The following CPLX1 variants were observed in gnomAD, a reference collection of about 807,000 sequenced individuals.
The protein encoded by CPLX1 is complexin-1.
A neutral mutation model predicts 15.6 loss-of-function variants in CPLX1; 6 were observed. The ratio of observed to expected loss-of-function variants is 0.39; its 90% CI spans 0.21 to 0.76. The LOEUF (loss-of-function observed/expected upper bound fraction) is 0.76. Ranked by LOEUF, CPLX1 falls within the 30% of genes least tolerant of loss-of-function variation. The pLI is 0.43. For synonymous variants in CPLX1, 91 were observed against 75.2 expected, an observed-to-expected ratio of 1.21 and a Z score of -1.08; for missense variants, 242 against 188.6, an observed-to-expected ratio of 1.28 and a Z score of -1.66.
At chr4:796,920 G>A (rs1190750115) in intron 2 of CPLX1, among the ~76,000 whole-genome samples, 4 of 152,148 alleles carry the variant, frequency 2.6e-5, no homozygotes, top group South Asian at 2.1e-4. Flanking sequence ...GACAGACAAC[G>A]GGCCCAGAGT....
chr4:787,193 G>C (rs765407213), intron 3 of CPLX1: 10 of 985,208 alleles, frequency 1.0e-5, no homozygotes, highest in Admixed American at 6.1e-5. Flanking sequence ...GGCCCCAGCA[G>C]GGCCACTCCC....
At chr4:799,816 T>C (rs1023648599) in intron 2 of CPLX1, among the ~76,000 whole-genome samples, 4 of 152,190 alleles carry the variant, frequency 2.6e-5, no homozygotes, top group Non-Finnish European at 4.4e-5. Context: ...TGAGCCGAGA[T>C]TGCACCATTG....
At chr4:794,169 G>A (rs1746266641) in intron 2 of CPLX1, among the ~76,000 whole-genome samples, 2 of 152,274 alleles carry the variant, frequency 1.3e-5, no homozygotes, top group African/African-American at 4.8e-5. Context: ...CGAGCTGTTG[G>A]TGGGAGGAGA....
chr4:791,124 G>A (rs1403875367), intron 3 of CPLX1, among the ~76,000 whole-genome samples: 1 of 149,650 alleles, frequency 6.7e-6, no homozygotes, highest in East Asian at 2.0e-4. Flanking sequence ...CTGCCTGGCT[G>A]AGATGGTGCA....
At position 812,687 on chromosome 4, in the gene CPLX1, C is replaced by T. The variant is rs114360233; in HGVS notation, c.31+11805G>A. 1.5e-3 allele frequency among the ~76,000 whole-genome samples: 231 copies of T among 152,266 alleles called. 2 individuals are homozygous for T. The highest frequency in any genetic ancestry group is 6.8e-3 in the Middle Eastern group (2 of 294). ...AAAACTCAAGAATATACTTAGGGGC[C>T]AGGCACGGTGGCTCACGCCTGTAAT... is the stretch of plus-strand genomic sequence containing the variant. On this transcript the variant is annotated intron_variant, in intron 2 of 3. Coordinates refer to ENST00000304062, the MANE Select transcript of CPLX1 (RefSeq NM_006651.4).
rs145349369 is a variant in CPLX1, at chr4:787,280, G to A, written c.208-582C>T. 1,038 of 985,392 alleles carry A rather than the reference G, an allele frequency of 1.1e-3. 12 individuals carry two copies. In the African/African-American group the frequency reaches 0.017, roughly 16 times the overall value. The allele number at this position is 985,392 out of a possible 1,614,324, so 61.0% of individuals were successfully genotyped here. On this transcript the variant is annotated intron_variant, in intron 3 of 3. Transcript: ENST00000304062. ...GTCACTTCCAGGCACTGGGTGTCCT[G>A]GAATCCCGCCTAGTCGTGCCCTCAG...
intron 2 of CPLX1, among the ~76,000 whole-genome samples, chr4:823,695 G>A (rs1050530972): frequency 1.3e-5 from 2 of 152,202 alleles, no homozygotes; most frequent in African/African-American, 2.4e-5. Context: ...CATCAGCTCT[G>A]CCGGGACACG....
chr4:809,914 C>T (rs965599983), intron 2 of CPLX1, among the ~76,000 whole-genome samples: 2 of 152,212 alleles, frequency 1.3e-5, no homozygotes, highest in Admixed American at 1.3e-4. Context: ...TGGGACACCC[C>T]ATCACACCAG....
At chr4:812,509 A>G in intron 2 of CPLX1, among the ~76,000 whole-genome samples, 1 of 152,196 alleles carries the variant, frequency 6.6e-6, no homozygotes, top group East Asian at 1.9e-4. Context: ...TCATAAATCA[A>G]AGGGCGTCCA....
chr4:820,848 G>GC (rs1261482704), intron 2 of CPLX1, among the ~76,000 whole-genome samples: 5 of 151,974 alleles, frequency 3.3e-5, no homozygotes, highest in African/African-American at 9.6e-5. Flanking sequence ...GACACCGGTG[G>GC]CCCCCACAAG....
intron 2 of CPLX1, among the ~76,000 whole-genome samples, chr4:822,433 C>T (rs908174565): frequency 6.6e-6 from 1 of 152,094 alleles, no homozygotes; most frequent in Non-Finnish European, 1.5e-5. Flanking sequence ...CTCCCCTCTG[C>T]CTCTGTCTCT....
chr4:792,522 C>T lies in CPLX1; in HGVS notation c.118G>A (p.Ala40Thr), dbSNP rs760171732. 1 of 1,613,332 alleles carries T rather than the reference C, an allele frequency of 6.2e-7. No individual in the cohort carries two copies. The highest frequency in any genetic ancestry group is 1.7e-5 in the Admixed American group (1 of 60,012). The change falls in exon 3 of 4, where the codon GCG becomes ACG. Residue 40 changes from alanine (A) to threonine (T), a missense_variant. Physicochemically the swap from Ala to Thr is moderately conservative, Grantham distance 58. Coordinates refer to ENST00000304062, the MANE Select transcript of CPLX1 (RefSeq NM_006651.4). ...AAKKEEERQE[A>T]LRQAEEERKA... ...CGCTCCTCCTCCGCCTGGCGCAGCG[C>T]CTCCTGCCGCTCCTCCTCCTTCTTG...
intron 2 of CPLX1, among the ~76,000 whole-genome samples, chr4:818,195 C>T (rs1421378254): frequency 6.6e-6 from 1 of 152,230 alleles, no homozygotes; most frequent in Admixed American, 6.5e-5. Context: ...GCCTGGTTCG[C>T]CCCAGCCCTT....
At chr4:812,136 G>A (rs1576995594) in intron 2 of CPLX1, among the ~76,000 whole-genome samples, 1 of 152,062 alleles carries the variant, frequency 6.6e-6, no homozygotes, top group East Asian at 1.9e-4. Flanking sequence ...GTGCAGTGGT[G>A]CGATCTCAGC....
At position 786,479 on chromosome 4, in the gene CPLX1, G is replaced by A. The variant is rs536471967; in HGVS notation, c.*22C>T. Reference sequence around the variant, plus strand: ...GTAGGGGGAGGGGCGGGGGCTCCGCGGGGCCGCTGTCCCGCGCGCGGCTAC... The same window carrying A: ...GTAGGGGGAGGGGCGGGGGCTCCGCAGGGCCGCTGTCCCGCGCGCGGCTAC... On this transcript the variant is annotated 3_prime_UTR_variant, in exon 4 of 4. Coordinates refer to ENST00000304062, the MANE Select transcript of CPLX1 (RefSeq NM_006651.4). 5 of 1,529,106 alleles carry A rather than the reference G, an allele frequency of 3.3e-6. No homozygotes were observed. Among genetic ancestry groups the A allele is most frequent in the Non-Finnish European group, 3.5e-6 (4 of 1,134,036 alleles). The allele number at this position is 1,529,106 out of a possible 1,614,324, so 94.7% of individuals were successfully genotyped here.
Position 792,453 on chromosome 4 carries a change from G to A in CPLX1, c.187C>T (p.Arg63Cys), listed in dbSNP as rs1200686974. The A allele has an allele frequency of 1.9e-6, 3 of 1,600,104 alleles. No homozygotes were observed. The highest frequency in any genetic ancestry group is 1.1e-5 in the South Asian group (1 of 90,008). ...CGCACCTTGTCTCGGATGCCCTGGCGCACGGCCTCGCGCTCCGCCTCCATC... is the reference window on the plus strand; with the variant it reads ...CGCACCTTGTCTCGGATGCCCTGGCACACGGCCTCGCGCTCCGCCTCCATC... ...AKMEAEREAV[R>C]QGIRDKYGIK... is the part of the protein sequence containing the mutation. The change falls in exon 3 of 4, where the codon CGC becomes TGC. Residue 63 changes from arginine (R) to cysteine (C), a missense_variant. Transcript: ENST00000304062.
intron 2 of CPLX1, among the ~76,000 whole-genome samples, chr4:824,044 C>T (rs144031955): frequency 2.0e-4 from 31 of 152,366 alleles, no homozygotes; most frequent in South Asian, 1.4e-3. Context: ...TCTGTCCCCA[C>T]GCCTGTCCCT....
At chr4:819,090 G>A (rs184058673) in intron 2 of CPLX1, among the ~76,000 whole-genome samples, 7 of 152,350 alleles carry the variant, frequency 4.6e-5, no homozygotes, top group South Asian at 2.1e-4. Flanking sequence ...AACGCTCTGC[G>A]CTCCCCGTGC....
intron 2 of CPLX1, among the ~76,000 whole-genome samples, chr4:813,449 T>C (rs1746697989): frequency 6.6e-6 from 1 of 152,024 alleles, no homozygotes; most frequent in Non-Finnish European, 1.5e-5. Context: ...AGGAAGACTC[T>C]GGGACTGGAG....
Sources: gnomAD v4.1 joint callset for allele counts (sites outside exome capture counted in the v4.1 genomes callset) on GRCh38, gnomAD v4.1.1 for gene constraint, MANE v1.5 for transcripts, NCBI Gene and HGNC (gene_info 2026-07-23, HGNC 2026-07-21) for gene names.